The following IL1RAPL2 variants were observed in gnomAD, a reference collection of about 807,000 sequenced individuals.
IL1RAPL2 encodes the protein interleukin 1 receptor accessory protein like 2.
A neutral mutation model predicts 44.1 loss-of-function variants in IL1RAPL2; 3 were observed. The ratio of observed to expected loss-of-function variants is 0.07; its 90% confidence interval spans 0.03 to 0.18. The LOEUF (loss-of-function observed/expected upper bound fraction) is 0.18. Among genes scored for constraint, IL1RAPL2 ranks in the 10% least tolerant of loss-of-function variants. The probability of loss-of-function intolerance (pLI) is 1.00; values close to 1 mark genes in which losing one functional copy is unlikely to be tolerated. For missense variants in IL1RAPL2, 391 were observed against 496.4 expected (o/e 0.79, Z 2.02); for synonymous variants, 181 against 178.8 (o/e 1.01, Z -0.10).
rs1168158910 is a variant in IL1RAPL2 at position 105,267,415 on chromosome X, A to C, written c.571A>C (p.Ile191Leu). 1 of 1,199,480 alleles carries C rather than the reference A, an allele frequency of 8.3e-7. No individual in the cohort carries two copies. Among genetic ancestry groups the C allele is most frequent in the African/African-American group, 1.8e-5 (1 of 56,763 alleles). The change falls in exon 5 of 11, where the codon ATA becomes CTA. Residue 191 changes from isoleucine to leucine, a missense_variant. By Grantham distance (5) the Ile-to-Leu change is conservative. Coordinates refer to ENST00000372582, the MANE Select transcript of IL1RAPL2 (RefSeq NM_017416.2). ...KECKPKMWRS[I>L]IIQKGNALLI... ...ATGCAAGCCAAAAATGTGGAGAAGC[A>C]TAATAATACAGAAAGGAAATGCTCT...
chrX:104,877,407 T>C (rs1415814552), intron 2 of IL1RAPL2, among the ~76,000 whole-genome samples: 1 of 111,749 alleles, frequency 8.9e-6, no homozygotes, highest in African/African-American at 3.3e-5. Context: ...ACTATTCCAA[T>C]CAATAGAAAA....
At chrX:105,190,770 T>A (rs1045955466) in intron 2 of IL1RAPL2, among the ~76,000 whole-genome samples, 1 of 112,574 alleles carries the variant, frequency 8.9e-6, no homozygotes, top group Non-Finnish European at 1.9e-5. Context: ...AATGTTCTTT[T>A]TTTCTAAAAT....
intron 2 of IL1RAPL2, among the ~76,000 whole-genome samples, chrX:105,143,012 T>C (rs909236243): frequency 1.8e-5 from 2 of 111,310 alleles, no homozygotes; most frequent in African/African-American, 6.5e-5. Context: ...CACATTTTCT[T>C]AATCCAGTCT....
intron 2 of IL1RAPL2, among the ~76,000 whole-genome samples, chrX:104,678,534 A>G (rs1049366720): frequency 5.4e-5 from 6 of 111,613 alleles, no homozygotes; most frequent in African/African-American, 2.0e-4. Context: ...TTCAAAGTCG[A>G]GTCTCCCAGC....
chrX:104,630,491 T>A (rs1446276528), intron 1 of IL1RAPL2, among the ~76,000 whole-genome samples: 3 of 106,347 alleles, frequency 2.8e-5, no homozygotes, highest in Admixed American at 2.0e-4. Context: ...AGAGATGGGG[T>A]TTCACCATGT....
intron 2 of IL1RAPL2, among the ~76,000 whole-genome samples, chrX:104,673,723 C>G (rs760291173): frequency 3.5e-4 from 38 of 109,260 alleles, no homozygotes; most frequent in South Asian, 2.4e-3. Flanking sequence ...ATTCTTCCTA[C>G]CCATGAGCAT....
chrX:105,610,569 A>C (rs1295209039), intron 6 of IL1RAPL2, among the ~76,000 whole-genome samples: 1 of 111,713 alleles, frequency 9.0e-6, no homozygotes, highest in Non-Finnish European at 1.9e-5. Flanking sequence ...TATAACAATG[A>C]TTCAATCAGT....
intron 2 of IL1RAPL2, among the ~76,000 whole-genome samples, chrX:105,033,307 T>C (rs2031549810): frequency 8.9e-6 from 1 of 111,844 alleles, no homozygotes; most frequent in Non-Finnish European, 1.9e-5. Flanking sequence ...TGATGCAGTT[T>C]CTTCCTAGCC....
chrX:104,606,019 AAAG>A (rs1929002054), intron 1 of IL1RAPL2, among the ~76,000 whole-genome samples: 1 of 111,998 alleles, frequency 8.9e-6, no homozygotes, highest in Non-Finnish European at 1.9e-5. Context: ...AACAATAAAA[AAAG>A]AAAATTTCAG....
In IL1RAPL2 at chrX:105,537,589, C is replaced by G. The variant is rs150541305; in HGVS notation, c.772+53202C>G. ...GTGTATGTTTAGAAGTATGAACATT[C>G]AATCAATACTGCTTGAGTGTGAATT... On this transcript the variant is annotated intron_variant, in intron 6 of 10. Coordinates refer to ENST00000372582, the MANE Select transcript of IL1RAPL2 (RefSeq NM_017416.2). Among the ~76,000 whole-genome samples, 533 of 111,877 alleles carry G rather than the reference C, an allele frequency of 4.8e-3. 5 individuals carry two copies. The highest frequency in any genetic ancestry group is 0.016 in the African/African-American group (493 of 30,807).
chrX:105,182,767 G>A (rs1219019699), intron 2 of IL1RAPL2, among the ~76,000 whole-genome samples: 1 of 111,459 alleles, frequency 9.0e-6, no homozygotes, highest in Non-Finnish European at 1.9e-5. Flanking sequence ...GCAGCAGTGG[G>A]ACAGACAGAT....
At chrX:104,718,597 T>A (rs1931622021) in intron 2 of IL1RAPL2, among the ~76,000 whole-genome samples, 2 of 111,198 alleles carry the variant, frequency 1.8e-5, no homozygotes, top group African/African-American at 6.5e-5. Flanking sequence ...AAGACGTGGC[T>A]TGTTTCCCCT....
intron 4 of IL1RAPL2, among the ~76,000 whole-genome samples, chrX:105,243,603 A>ATTTT (rs1296744418): frequency 8.2e-4 from 71 of 86,687 alleles, no homozygotes; most frequent in African/African-American, 4.3e-3. Context: ...ATATATATAT[A>ATTTT]TATTTTTTTT....
chrX:105,553,759 G>A (rs2036876398), intron 6 of IL1RAPL2, among the ~76,000 whole-genome samples: 1 of 111,905 alleles, frequency 8.9e-6, no homozygotes, highest in African/African-American at 3.3e-5. Flanking sequence ...TTGAATACTT[G>A]TAGCAGCCCC....
At chrX:105,066,957 C>T (rs957345306) in intron 2 of IL1RAPL2, among the ~76,000 whole-genome samples, 4 of 111,258 alleles carry the variant, frequency 3.6e-5, no homozygotes, top group African/African-American at 1.3e-4. Context: ...TTTTAGACTT[C>T]GGTTAAGCTG....
At chrX:104,610,661 C>G (rs1320367202) in intron 1 of IL1RAPL2, among the ~76,000 whole-genome samples, 3 of 111,913 alleles carry the variant, frequency 2.7e-5, no homozygotes, top group African/African-American at 9.8e-5. Flanking sequence ...ATTCCATGCT[C>G]ATGGGCAGGA....
chrX:105,217,316 AAG>A (rs1350556039), intron 3 of IL1RAPL2, among the ~76,000 whole-genome samples: 2 of 112,131 alleles, frequency 1.8e-5, no homozygotes, highest in Non-Finnish European at 3.8e-5. Flanking sequence ...CACTTCTCAA[AAG>A]AAGACATTTA....
At chrX:105,630,422 G>C (rs1014361738) in intron 6 of IL1RAPL2, among the ~76,000 whole-genome samples, 1 of 110,136 alleles carries the variant, frequency 9.1e-6, no homozygotes, top group Admixed American at 9.7e-5. Context: ...ACATGGCAAA[G>C]AGTTTACTCA....
chrX:105,317,899 C>A (rs1164126182), intron 5 of IL1RAPL2, among the ~76,000 whole-genome samples: 1 of 110,969 alleles, frequency 9.0e-6, no homozygotes, highest in Non-Finnish European at 1.9e-5. Flanking sequence ...TATATTCACA[C>A]AGGTAGCATT....
Sources: allele counts gnomAD v4.1 joint callset (sites outside exome capture counted in the v4.1 genomes callset), GRCh38; gene constraint gnomAD v4.1.1; transcripts MANE v1.5; gene names NCBI Gene and HGNC (gene_info 2026-07-23, HGNC 2026-07-21).